AGT: variants seen among roughly 807,000 people sequenced by gnomAD.
AGT encodes the protein angiotensinogen.
Under a neutral mutation model 28.1 loss-of-function variants are expected in AGT, and 26 were observed. The ratio of observed to expected loss-of-function variants is 0.92; its 90% confidence interval spans 0.68 to 1.28. The LOEUF is 1.28. Among genes scored for constraint, AGT ranks in the 50% most tolerant of loss-of-function variants. AGT has a pLI of 0.00. For synonymous variants in AGT, 259 were observed against 259.6 expected, an observed-to-expected ratio of 1.00 and a Z score of 0.02; for missense variants, 596 against 592.3, an observed-to-expected ratio of 1.01 and a Z score of -0.06.
Position 230,737,479 on chromosome 1 carries a change from T to C in AGT, c.-31+8036A>G, listed in dbSNP as rs577515752. 7.2e-5 allele frequency among the ~76,000 whole-genome samples: 11 copies of C among 152,020 alleles called. No individual in the cohort carries two copies. In the East Asian group the frequency reaches 1.9e-3, roughly 27 times the overall value. On this transcript the variant is annotated intron_variant, in intron 1 of 4. Coordinates refer to the AGT transcript ENST00000681269. ...GGTGCCCACCACCACACCTGGCTAA[T>C]TTTTGTATTTTTAGTAGAGATGGGG...
intron 1 of AGT, among the ~76,000 whole-genome samples, chr1:230,733,915 C>T (rs144782354): frequency 5.9e-5 from 9 of 152,230 alleles, no homozygotes; most frequent in African/African-American, 2.2e-4. Flanking sequence ...TCAGGGACCA[C>T]TACCCAAGAG....
upstream of AGT, among the ~76,000 whole-genome samples, chr1:230,718,722 C>CTTTTTTTTTT (rs1228887131): frequency 5.3e-4 from 63 of 118,444 alleles, 3 homozygotes; most frequent in African/African-American, 2.1e-3. Flanking sequence ...TTCCACACCG[C>CTTTTTTTTTT]TTTTTTTTTT....
chr1:230,721,659 G>T (rs1299775592), intron 1 of AGT, among the ~76,000 whole-genome samples: 1 of 152,204 alleles, frequency 6.6e-6, no homozygotes, highest in African/African-American at 2.4e-5. Flanking sequence ...ATGAAGTTCA[G>T]TCTGAAGTGG....
At chr1:230,737,041 T>G (rs1664168747) in intron 1 of AGT, among the ~76,000 whole-genome samples, 1 of 152,194 alleles carries the variant, frequency 6.6e-6, no homozygotes, top group Non-Finnish European at 1.5e-5. Flanking sequence ...GACAGCTGAC[T>G]TTCAACCACA....
chr1:230,716,707 A>T (rs1038407895), upstream of AGT, among the ~76,000 whole-genome samples: 4 of 152,290 alleles, frequency 2.6e-5, no homozygotes, highest in Middle Eastern at 3.4e-3. Context: ...ACCTTCCACC[A>T]TGATTGTGAG....
chr1:230,745,238 G>A (rs544081388), intron 1 of AGT, among the ~76,000 whole-genome samples: 185 of 152,282 alleles, frequency 1.2e-3, no homozygotes, highest in African/African-American at 3.0e-3. Flanking sequence ...AGTGGCAGGG[G>A]GTGCAGAGAG....
chr1:230,727,966 G>A (rs531103215), intron 1 of AGT, among the ~76,000 whole-genome samples: 135 of 152,284 alleles, frequency 8.9e-4, no homozygotes, highest in African/African-American at 3.0e-3. Flanking sequence ...TTATTACTCA[G>A]ATCAGCCTCC....
At chr1:230,715,958 T>C (rs989566557), upstream of AGT, among the ~76,000 whole-genome samples, 2 of 152,138 alleles carry the variant, frequency 1.3e-5, no homozygotes, top group African/African-American at 4.8e-5. Flanking sequence ...GAAAGTGGTG[T>C]AAAAGAAAAT....
At chr1:230,717,243 T>C (rs945016749), upstream of AGT, among the ~76,000 whole-genome samples, 4 of 151,916 alleles carry the variant, frequency 2.6e-5, no homozygotes, top group Non-Finnish European at 5.9e-5. Context: ...AGTAACAGTC[T>C]GATCTCTCTT....
At chr1:230,704,466 C>T (rs551631097) in intron 3 of AGT, 129 bp from the exon 4 acceptor site, 19 of 1,232,018 alleles carry the variant, frequency 1.5e-5, no homozygotes, top group South Asian at 2.6e-5. Context: ...CATCACCCAA[C>T]TAAGTCATCC....
intron 1 of AGT, among the ~76,000 whole-genome samples, chr1:230,720,508 G>GT (rs967237461): frequency 6.6e-6 from 1 of 151,984 alleles, no homozygotes; most frequent in Admixed American, 6.6e-5. Context: ...AGGCAGATGG[G>GT]GCGGGTCCCC....
chr1:230,716,540 G>A (rs1663741615), upstream of AGT, among the ~76,000 whole-genome samples: 1 of 152,216 alleles, frequency 6.6e-6, no homozygotes, highest in Non-Finnish European at 1.5e-5. Context: ...GACCCAGTGG[G>A]AGGTAATTGA....
At position 230,702,823 on chromosome 1, in the gene AGT, G is replaced by A. The variant is rs112670184; in HGVS notation, c.*318C>T. 6.1e-5 allele frequency: 20 copies of A among 325,290 alleles called. No homozygotes were observed. The highest frequency in any genetic ancestry group is 3.3e-4 in the African/African-American group (16 of 48,468). The allele number at this position is 325,290 out of a possible 1,614,324, so 20.2% of individuals were successfully genotyped here. On this transcript the variant is annotated 3_prime_UTR_variant, in exon 5 of 5. Transcript: ENST00000366667. Reference sequence around the variant, plus strand: ...TTTTTGTTTCACAAACAAGCTGGTCGGTTGGAATTCTTTTTGGAACAGTAG... The same window carrying A: ...TTTTTGTTTCACAAACAAGCTGGTCAGTTGGAATTCTTTTTGGAACAGTAG...
intron 2 of AGT, 148 bp downstream of exon 2, chr1:230,709,847 A>G: frequency 8.5e-7 from 1 of 1,176,338 alleles, no homozygotes; most frequent in Non-Finnish European, 1.3e-6. Context: ...GACCCAGCGG[A>G]GCAGCCACTT....
At position 230,706,736 on chromosome 1, in the gene AGT, G is replaced by A. The variant is rs961265861; in HGVS notation, c.830-536C>T. Among the ~76,000 whole-genome samples, 5 of 152,028 alleles carry A rather than the reference G, an allele frequency of 3.3e-5. No homozygotes were observed. In the South Asian group the frequency reaches 1.0e-3, roughly 32 times the overall value. ...GCGTGGCCCATTTGTTGCAACTGAC[G>A]AACCTACACTGACACGTCCTCAGCA... On this transcript the variant is annotated intron_variant, in intron 2 of 4. Coordinates refer to ENST00000366667, the MANE Select transcript of AGT (RefSeq NM_001384479.1).
chr1:230,706,916 G>A (rs1339184207), intron 2 of AGT, among the ~76,000 whole-genome samples: 2 of 152,150 alleles, frequency 1.3e-5, no homozygotes, highest in Non-Finnish European at 2.9e-5. Flanking sequence ...TCTAGCCCCA[G>A]CCATGGCAGA....
intron 4 of AGT, 56 bp from the exon 5 acceptor site, chr1:230,703,385 G>A: frequency 6.2e-7 from 1 of 1,601,828 alleles, no homozygotes; most frequent in Admixed American, 1.7e-5. Flanking sequence ...GACCCAGGGT[G>A]CTGAGGGCTA....
At chr1:230,739,599 G>A (rs1327418883) in intron 1 of AGT, among the ~76,000 whole-genome samples, 4 of 152,078 alleles carry the variant, frequency 2.6e-5, no homozygotes, top group Non-Finnish European at 4.4e-5. Flanking sequence ...GAGCTTCCGG[G>A]GTAATTACGG....
chr1:230,738,208 T>C (rs921374653), intron 1 of AGT, among the ~76,000 whole-genome samples: 4 of 152,242 alleles, frequency 2.6e-5, no homozygotes, highest in African/African-American at 9.6e-5. Flanking sequence ...TCTTGACAGA[T>C]ACCCAGGAGT....
Sources: allele counts gnomAD v4.1 joint callset (sites outside exome capture counted in the v4.1 genomes callset), GRCh38; gene constraint gnomAD v4.1.1; transcripts MANE v1.5; gene names NCBI Gene and HGNC (gene_info 2026-07-23, HGNC 2026-07-21).